EYS: variants seen among roughly 807,000 people sequenced by gnomAD.
The protein encoded by EYS is protein eyes shut homolog.
Under a neutral mutation model 282.1 loss-of-function variants are expected in EYS, and 250 were observed. The observed-to-expected ratio is 0.89, with a 90% confidence interval of 0.80 to 0.98. The LOEUF is 0.98. Ranked by LOEUF, EYS falls within the 50% of genes least tolerant of loss-of-function variation. EYS has a pLI of 0.00. For synonymous variants in EYS, 1,355 were observed against 1,282.9 expected, an observed-to-expected ratio of 1.06 and a Z score of -1.20; for missense variants, 4,016 against 3,709.0, an observed-to-expected ratio of 1.08 and a Z score of -2.15.
At chr6:65,641,705 T>C (rs1031568006) in intron 1 of EYS, among the ~76,000 whole-genome samples, 2 of 152,262 alleles carry the variant, frequency 1.3e-5, no homozygotes, top group Non-Finnish European at 2.9e-5. Flanking sequence ...TAATTAGCTA[T>C]GAGGTCTATG....
intron 19 of EYS, among the ~76,000 whole-genome samples, chr6:64,839,163 A>C (rs1412912573): frequency 1.3e-5 from 2 of 152,068 alleles, no homozygotes; most frequent in African/African-American, 4.8e-5. Context: ...GATCCAAAGC[A>C]ATCATACTGA....
At chr6:64,473,617 C>T (rs1208364756) in intron 26 of EYS, among the ~76,000 whole-genome samples, 1 of 151,892 alleles carries the variant, frequency 6.6e-6, no homozygotes, top group Admixed American at 6.6e-5. Context: ...AATAAAAGAC[C>T]GTGTGTCTAT....
intron 2 of EYS, among the ~76,000 whole-genome samples, chr6:65,509,312 T>A (rs1175324695): frequency 6.6e-6 from 1 of 151,896 alleles, no homozygotes; most frequent in Non-Finnish European, 1.5e-5. Flanking sequence ...TCTCTAAGAT[T>A]TTTTTCATCA....
chr6:65,221,348 C>T (rs1467077463), intron 12 of EYS, among the ~76,000 whole-genome samples: 1 of 152,146 alleles, frequency 6.6e-6, no homozygotes, highest in Non-Finnish European at 1.5e-5. Context: ...TTTTGTGTTC[C>T]AGGCCTAGGG....
At chr6:65,108,887 T>C (rs976055605) in intron 12 of EYS, among the ~76,000 whole-genome samples, 10 of 152,106 alleles carry the variant, frequency 6.6e-5, no homozygotes, top group Non-Finnish European at 1.3e-4. Flanking sequence ...TTTTCAATAT[T>C]TATTCTTTCT....
intron 30 of EYS, among the ~76,000 whole-genome samples, chr6:64,279,599 G>C (rs1256531651): frequency 6.6e-6 from 1 of 152,126 alleles, no homozygotes; most frequent in Non-Finnish European, 1.5e-5. Flanking sequence ...TTCCAGATAT[G>C]CATTACTGTA....
At chr6:65,395,733 T>A (rs945623048) in intron 7 of EYS, among the ~76,000 whole-genome samples, 5 of 152,160 alleles carry the variant, frequency 3.3e-5, no homozygotes, top group African/African-American at 1.2e-4. Context: ...TGTGTGATAA[T>A]CAAGTCAGAT....
At chr6:64,673,801 C>G (rs1769552386) in intron 22 of EYS, among the ~76,000 whole-genome samples, 2 of 151,884 alleles carry the variant, frequency 1.3e-5, no homozygotes, top group African/African-American at 4.8e-5. Flanking sequence ...TTTAATGATG[C>G]CTACTATGGT....
intron 1 of EYS, among the ~76,000 whole-genome samples, chr6:65,656,540 A>C (rs1435516902): frequency 6.6e-6 from 1 of 151,914 alleles, no homozygotes; most frequent in Non-Finnish European, 1.5e-5. Context: ...GCAAGGTTCT[A>C]ACTCTCTTCA....
At chr6:64,045,383 GTTTATTTTATTTTAT>G (rs548483513) in intron 33 of EYS, among the ~76,000 whole-genome samples, 290 of 137,538 alleles carry the variant, frequency 2.1e-3, no homozygotes, top group African/African-American at 4.0e-3. Context: ...GGTGAAACAA[GTTTATTTTATTTTAT>G]TTTATTTTAT....
chr6:64,501,624 T>C (rs1777047347), intron 26 of EYS, among the ~76,000 whole-genome samples: 1 of 152,166 alleles, frequency 6.6e-6, no homozygotes, highest in Non-Finnish European at 1.5e-5. Context: ...GGTTTCTTGC[T>C]TCAAGCTGCT....
intron 7 of EYS, among the ~76,000 whole-genome samples, chr6:65,398,502 C>G (rs189043032): frequency 6.3e-4 from 95 of 151,734 alleles, no homozygotes; most frequent in Non-Finnish European, 1.2e-3. Context: ...TAAGACCTGT[C>G]ATTTTAAAAA....
At chr6:64,388,889 T>A (rs1773002571) in intron 28 of EYS, 49 bp from the exon 29 acceptor site, 1 of 1,158,506 alleles carries the variant, frequency 8.6e-7, no homozygotes, top group Admixed American at 3.6e-5. Context: ...CATATAAACA[T>A]TTATCTGACA....
chr6:64,241,092 A>C (rs966848996), intron 30 of EYS, among the ~76,000 whole-genome samples: 1 of 152,108 alleles, frequency 6.6e-6, no homozygotes, highest in African/African-American at 2.4e-5. Flanking sequence ...CATCCCAGGG[A>C]TGAAGCCGAC....
At chr6:65,385,636 T>G (rs1318346411) in intron 7 of EYS, among the ~76,000 whole-genome samples, 1 of 151,954 alleles carries the variant, frequency 6.6e-6, no homozygotes, top group Non-Finnish European at 1.5e-5. Flanking sequence ...CCCATGGAAA[T>G]TACATTAGTT....
At chr6:65,191,894 A>T (rs1214043364) in intron 12 of EYS, among the ~76,000 whole-genome samples, 1 of 151,590 alleles carries the variant, frequency 6.6e-6, no homozygotes, top group Non-Finnish European at 1.5e-5. Flanking sequence ...ACTAGAAATA[A>T]TTTGGTCTAT....
intron 19 of EYS, among the ~76,000 whole-genome samples, chr6:64,839,582 A>C (rs1765500104): frequency 2.0e-5 from 3 of 152,040 alleles, no homozygotes; most frequent in Admixed American, 2.0e-4. Context: ...TTTTTCTCCT[A>C]ATATGTACTG....
At chr6:64,266,259 G>C (rs1484427979) in intron 30 of EYS, among the ~76,000 whole-genome samples, 1 of 151,970 alleles carries the variant, frequency 6.6e-6, no homozygotes, top group Non-Finnish European at 1.5e-5. Flanking sequence ...TTTTAATTAA[G>C]ATGATTAAGT....
chr6:65,477,607 A>G (rs1455597472), intron 5 of EYS, among the ~76,000 whole-genome samples: 1 of 152,156 alleles, frequency 6.6e-6, no homozygotes, highest in Non-Finnish European at 1.5e-5. Context: ...AAGCCAATTG[A>G]CGCATTCAAT....
Sources: allele counts gnomAD v4.1 joint callset (sites outside exome capture counted in the v4.1 genomes callset), GRCh38; gene constraint gnomAD v4.1.1; transcripts MANE v1.5; gene names NCBI Gene and HGNC (gene_info 2026-07-23, HGNC 2026-07-21).